The following PTPRT variants were observed in gnomAD, a reference collection of about 807,000 sequenced individuals.
The protein encoded by PTPRT is receptor-type tyrosine-protein phosphatase T.
A neutral mutation model predicts 176.8 loss-of-function variants in PTPRT; 56 were observed. The observed-to-expected ratio is 0.32, with a 90% CI of 0.26 to 0.40. The LOEUF (loss-of-function observed/expected upper bound fraction) is 0.40, where lower values mean the gene tolerates loss of function less well. Among genes scored for constraint, PTPRT ranks in the 10% least tolerant of loss-of-function variants. PTPRT has a pLI of 1.00. For synonymous variants in PTPRT, 783 were observed against 739.0 expected, an observed-to-expected ratio of 1.06 and a Z score of -0.96; for missense variants, 1,540 against 1,908.2, an observed-to-expected ratio of 0.81 and a Z score of 3.60.
chr20:42,249,778 G>T (rs1422755160), intron 13 of PTPRT, among the ~76,000 whole-genome samples: 1 of 152,154 alleles, frequency 6.6e-6, no homozygotes, highest in African/African-American at 2.4e-5. Context: ...CCATAACAAA[G>T]TAAGCAGGCA....
At chr20:42,255,360 T>G (rs1193051592) in intron 13 of PTPRT, among the ~76,000 whole-genome samples, 3 of 152,210 alleles carry the variant, frequency 2.0e-5, no homozygotes, top group African/African-American at 7.2e-5. Context: ...GAAAAATGCT[T>G]GATAAACTCT....
chr20:43,037,809 G>A (rs965756130), intron 1 of PTPRT, among the ~76,000 whole-genome samples: 1 of 152,160 alleles, frequency 6.6e-6, no homozygotes, highest in African/African-American at 2.4e-5. Context: ...CAGCCCTAAA[G>A]AGTCACCTAT....
chr20:42,213,804 C>A (rs1053092568), intron 15 of PTPRT, among the ~76,000 whole-genome samples: 2 of 152,046 alleles, frequency 1.3e-5, no homozygotes, highest in Non-Finnish European at 2.9e-5. Context: ...TCAGAGGGAG[C>A]CTGACCCCTC....
At chr20:42,316,341 C>T (rs1272369076) in intron 11 of PTPRT, among the ~76,000 whole-genome samples, 1 of 152,162 alleles carries the variant, frequency 6.6e-6, no homozygotes, top group Non-Finnish European at 1.5e-5. Context: ...CAGTTCTTAA[C>T]TCCTTCGTTC....
At chr20:42,981,709 T>C (rs1344004004) in intron 1 of PTPRT, among the ~76,000 whole-genome samples, 1 of 152,210 alleles carries the variant, frequency 6.6e-6, no homozygotes, top group Non-Finnish European at 1.5e-5. Flanking sequence ...CAGAGAAGAA[T>C]AACCACCTAC....
chr20:43,109,166 C>T (rs1600719443), intron 1 of PTPRT, among the ~76,000 whole-genome samples: 1 of 152,096 alleles, frequency 6.6e-6, no homozygotes, highest in East Asian at 1.9e-4. Flanking sequence ...TGCTATAATG[C>T]AGTGATTGCA....
intron 1 of PTPRT, among the ~76,000 whole-genome samples, chr20:42,917,568 A>G (rs895704468): frequency 6.6e-6 from 1 of 152,112 alleles, no homozygotes; most frequent in Non-Finnish European, 1.5e-5. Context: ...GGCCATTTTC[A>G]CGATATTGAT....
chr20:42,869,844 G>A (rs6030534), intron 2 of PTPRT, among the ~76,000 whole-genome samples: 1,877 of 152,280 alleles, frequency 0.012, 40 homozygotes, highest in African/African-American at 0.043. Flanking sequence ...ACAGTATTAC[G>A]AGTTGGGGCC....
chr20:42,936,867 G>A (rs984043134), intron 1 of PTPRT, among the ~76,000 whole-genome samples: 11 of 152,172 alleles, frequency 7.2e-5, no homozygotes, highest in African/African-American at 2.4e-4. Context: ...AATTCTAAAC[G>A]AAGTAAAGAC....
chr20:42,442,781 G>A (rs2059328370), intron 9 of PTPRT, among the ~76,000 whole-genome samples: 1 of 152,170 alleles, frequency 6.6e-6, no homozygotes, highest in Non-Finnish European at 1.5e-5. Flanking sequence ...TGTTTTCCAT[G>A]AACTCTGAAC....
At chr20:42,771,740 T>A (rs1216156792) in intron 4 of PTPRT, among the ~76,000 whole-genome samples, 190 bp from the exon 5 acceptor site, 2 of 152,282 alleles carry the variant, frequency 1.3e-5, no homozygotes, top group Admixed American at 6.5e-5. Flanking sequence ...ACACGCAGAA[T>A]CTCACTGAAA....
intron 18 of PTPRT, among the ~76,000 whole-genome samples, chr20:42,134,229 A>T (rs1326203506): frequency 6.6e-6 from 1 of 152,210 alleles, no homozygotes; most frequent in African/African-American, 2.4e-5. Context: ...GCGGCAGGCG[A>T]TGTGAAGGCG....
intron 6 of PTPRT, among the ~76,000 whole-genome samples, chr20:42,741,137 G>A (rs1024384627): frequency 3.3e-5 from 5 of 152,166 alleles, no homozygotes; most frequent in Admixed American, 3.3e-4. Flanking sequence ...TATGTCAGAA[G>A]TGACCATAGA....
chr20:42,474,485 CTG>C (rs1441457595), intron 7 of PTPRT, among the ~76,000 whole-genome samples: 1 of 152,194 alleles, frequency 6.6e-6, no homozygotes, highest in East Asian at 1.9e-4. Flanking sequence ...CCCTGATCAA[CTG>C]AGGAATTCAT....
chr20:42,614,088 C>G (rs974621558), intron 7 of PTPRT, among the ~76,000 whole-genome samples: 11 of 152,034 alleles, frequency 7.2e-5, no homozygotes, highest in African/African-American at 2.4e-4. Flanking sequence ...CTTTGAAGGG[C>G]TGTGAAAGAA....
chr20:42,471,357 G>A (rs916115910), intron 8 of PTPRT, among the ~76,000 whole-genome samples: 5 of 152,116 alleles, frequency 3.3e-5, no homozygotes, highest in African/African-American at 1.2e-4. Context: ...GGTGTGATTG[G>A]ATCATGGAAG....
At chr20:43,091,490 TA>T (rs1253827189) in intron 1 of PTPRT, among the ~76,000 whole-genome samples, 31 of 125,466 alleles carry the variant, frequency 2.5e-4, no homozygotes, top group African/African-American at 6.0e-4. Flanking sequence ...TCTCTCTCTC[TA>T]TTTCTCTCTC....
rs145113073 is a variant in PTPRT at position 43,029,943 on chromosome 20, T to G, written c.89-144011A>C. On this transcript the variant is annotated intron_variant, in intron 1 of 30. Transcript: ENST00000373187. ...AGCCTAAGTACCAGATTAGAGGCCATGTAAGGTATGGCCACAGCCAACCTG... is the reference window on the plus strand; with the variant it reads ...AGCCTAAGTACCAGATTAGAGGCCAGGTAAGGTATGGCCACAGCCAACCTG... Among the ~76,000 whole-genome samples, 7 of 152,358 alleles carry G rather than the reference T, an allele frequency of 4.6e-5. No homozygotes were observed. In the East Asian group the frequency reaches 1.3e-3, roughly 29 times the overall value.
At chr20:42,246,681 A>T (rs748382471) in intron 14 of PTPRT, among the ~76,000 whole-genome samples, 7 of 152,260 alleles carry the variant, frequency 4.6e-5, no homozygotes, top group Non-Finnish European at 1.0e-4. Context: ...CTCACAGATG[A>T]TGGTGACGTG....
Sources: gnomAD v4.1 joint callset for allele counts (sites outside exome capture counted in the v4.1 genomes callset) on GRCh38, gnomAD v4.1.1 for gene constraint, MANE v1.5 for transcripts, NCBI Gene and HGNC (gene_info 2026-07-23, HGNC 2026-07-21) for gene names.